ATP2A3: variants seen among roughly 807,000 people sequenced by gnomAD.
ATP2A3 encodes the protein sarcoplasmic/endoplasmic reticulum calcium ATPase 3.
A neutral mutation model predicts 106.8 loss-of-function variants in ATP2A3; 61 were observed. That is an observed-to-expected ratio of 0.57 (90% CI 0.46 to 0.71). The LOEUF is 0.71. ATP2A3 is among the 30% of genes least tolerant of loss of function. The pLI is 0.00. For synonymous variants in ATP2A3, 611 were observed against 609.3 expected (o/e 1.00, Z -0.04); for missense variants, 1,201 against 1,423.5 (o/e 0.84, Z 2.52).
In ATP2A3 at chr17:3,941,602, C is replaced by A. The variant is rs369511446; in HGVS notation, c.1598G>T (p.Arg533Leu). Residue 533 changes from arginine (R) to leucine (L), a missense_variant, in exon 13 of 21, where the codon CGC (arginine) becomes CTC (leucine). Around this residue, in one of 2 missense-constraint regions of ATP2A3, gnomAD observed 935 missense variants for 1,176.7 expected, o/e 0.79. Coordinates refer to ENST00000397041, the MANE Select transcript of ATP2A3 (RefSeq NM_005173.4). ...GGAGGTGGGGGTCAGGGGTGCTGTG[C>A]GGCTCCCCACGCGGACTGAGCTACA... ...ERCSSVRVGS[R>L]TAPLTPTSRE... 3.7e-6 allele frequency: 6 copies of A among 1,611,912 alleles called. No individual in the cohort carries two copies. In the Admixed American group the frequency reaches 8.3e-5, roughly 22 times the overall value.
rs756070111 is a variant in ATP2A3 at position 3,953,804 on chromosome 17, C to T, written c.119-94G>A. The T allele has an allele frequency of 9.6e-6, 13 of 1,360,236 alleles. 1 individual carries two copies. Among genetic ancestry groups the T allele is most frequent in the Non-Finnish European group, 1.2e-5 (12 of 974,416 alleles). The allele number at this position is 1,360,236 out of a possible 1,614,324, so 84.3% of individuals were successfully genotyped here. ...GGGGAGTCTGGCAGTGCCTCCCCACCGTGCCCGCCCAGACCCCCACCACGG... is the reference window on the plus strand; with the variant it reads ...GGGGAGTCTGGCAGTGCCTCCCCACTGTGCCCGCCCAGACCCCCACCACGG... On this transcript the variant is annotated intron_variant, in intron 1 of 20. Coordinates refer to ENST00000397041, the MANE Select transcript of ATP2A3 (RefSeq NM_005173.4). The surrounding 1 kb of genome is among the most constrained non-coding windows in gnomAD (Gnocchi z 5.1).
Position 3,960,091 on chromosome 17 carries a change from C to T in ATP2A3, c.118+4083G>A, listed in dbSNP as rs1282014087. Reference sequence around the variant, plus strand: ...GGGCAAACCACACCCTCTCAGATCCCGCAAGGCCCTTAGGGGATCCCAGGG... The same window carrying T: ...GGGCAAACCACACCCTCTCAGATCCTGCAAGGCCCTTAGGGGATCCCAGGG... On this transcript the variant is annotated intron_variant, in intron 1 of 20. Transcript: ENST00000397041. Among the ~76,000 whole-genome samples, 12 of 152,188 alleles carry T rather than the reference C, an allele frequency of 7.9e-5. 1 individual carries two copies. Among genetic ancestry groups the T allele is most frequent in the Admixed American group, 6.5e-4 (10 of 15,280 alleles).
chr17:3,962,256 C>G (rs577654737), intron 1 of ATP2A3, among the ~76,000 whole-genome samples: 15 of 152,326 alleles, frequency 9.8e-5, no homozygotes, highest in African/African-American at 3.6e-4. Context: ...AGTGCCAGCT[C>G]CACCACCTAC....
rs752172778 is a variant in ATP2A3, at chr17:3,928,015, C to A, written c.2980+648G>T. The stretch of plus-strand genomic sequence containing the variant: ...CTCCCTCTCTGAGCAGCTCTGACAG[C>A]GAGACGATGCTGTGTCCCTGGCCCT... On this transcript the variant is annotated intron_variant, in intron 20 of 20. Coordinates refer to ENST00000397041, the MANE Select transcript of ATP2A3 (RefSeq NM_005173.4). The surrounding 1 kb of genome is among the most constrained non-coding windows in gnomAD (Gnocchi z 6.1). 5.0e-6 allele frequency: 8 copies of A among 1,614,078 alleles called. No homozygotes were observed. Among genetic ancestry groups the A allele is most frequent in the Non-Finnish European group, 6.8e-6 (8 of 1,180,028 alleles).
Position 3,964,255 on chromosome 17 carries a change from G to A in ATP2A3, c.37C>T (p.Leu13=). ...AAHLLPAADV[L]RHFSVTAEGG... ...TCGGCTGTCACCGAGAAGTGGCGCAGCACGTCGGCGGCCGGGAGCAGATGC... is the reference window on the plus strand; with the variant it reads ...TCGGCTGTCACCGAGAAGTGGCGCAACACGTCGGCGGCCGGGAGCAGATGC... Residue 13 remains leucine (L), a synonymous_variant, in exon 1 of 21, where the codon CTG becomes TTG. Coordinates refer to ENST00000397041, the MANE Select transcript of ATP2A3 (RefSeq NM_005173.4). The A allele has an allele frequency of 7.8e-7, 1 of 1,282,858 alleles. No individual in the cohort carries two copies. The highest frequency in any genetic ancestry group is 1.0e-6 in the Non-Finnish European group (1 of 1,003,024). The allele number at this position is 1,282,858 out of a possible 1,614,324, so 79.5% of individuals were successfully genotyped here.
rs1176736004 is a variant in ATP2A3 at position 3,925,735 on chromosome 17, C to T, written c.2981-294G>A. ...ATTTTGGGGAATCACCACCCATTAT[C>T]GTAAGGTTCAGACACCAGGCTCATC... is the stretch of plus-strand genomic sequence containing the variant. On this transcript the variant is annotated intron_variant, in intron 20 of 20. Coordinates refer to ENST00000397041, the MANE Select transcript of ATP2A3 (RefSeq NM_005173.4). This position sits in a 1 kb window ranked among gnomAD's most constrained non-coding sequence, Gnocchi z 4.2. Among the ~76,000 whole-genome samples the T allele has an allele frequency of 6.6e-6, 1 of 151,968 alleles. No individual in the cohort carries two copies. The highest frequency in any genetic ancestry group is 1.9e-4 in the East Asian group (1 of 5,160).
At position 3,929,466 on chromosome 17, in the gene ATP2A3, C is replaced by A; in HGVS notation, c.2745-21G>T. On this transcript the variant is annotated intron_variant, in intron 18 of 20. Coordinates refer to ENST00000397041, the MANE Select transcript of ATP2A3 (RefSeq NM_005173.4). The surrounding 1 kb of genome is among the most constrained non-coding windows in gnomAD (Gnocchi z 4.3). ...AGACGCTGCCAGGGCACAGGGTGCTCCCCTTAGGCCGGGGTGCAGGGAGGC... is the reference window on the plus strand; with the variant it reads ...AGACGCTGCCAGGGCACAGGGTGCTACCCTTAGGCCGGGGTGCAGGGAGGC... 2 of 1,576,832 alleles carry A rather than the reference C, an allele frequency of 1.3e-6. No homozygotes were observed. Among genetic ancestry groups the A allele is most frequent in the East Asian group, 2.3e-5 (1 of 43,082 alleles).
Position 3,964,255 on chromosome 17 carries a change from G to T in ATP2A3, c.37C>A (p.Leu13Met). The change falls in exon 1 of 21, where the codon CTG becomes ATG. Residue 13 changes from leucine to methionine, a missense_variant. Around this residue, in one of 2 missense-constraint regions of ATP2A3, gnomAD observed 266 missense variants for 246.8 expected, o/e 1.08. Transcript: ENST00000397041. ...AAHLLPAADVLRHFSVTAEGG... is the reference protein window; with the variant it reads ...AAHLLPAADVMRHFSVTAEGG... ...TCGGCTGTCACCGAGAAGTGGCGCAGCACGTCGGCGGCCGGGAGCAGATGC... is the reference window on the plus strand; with the variant it reads ...TCGGCTGTCACCGAGAAGTGGCGCATCACGTCGGCGGCCGGGAGCAGATGC... The T allele has an allele frequency of 7.8e-7, 1 of 1,282,860 alleles. No individual in the cohort carries two copies. Among genetic ancestry groups the T allele is most frequent in the Non-Finnish European group, 1.0e-6 (1 of 1,003,024 alleles). 79.5% of individuals were successfully genotyped at this position (1,282,860 alleles called of 1,614,324 possible). A position where few individuals can be genotyped will look rare whatever the true frequency, so the allele number is the denominator to read the frequency against.
chr17:3,953,460 C>A lies in ATP2A3; in HGVS notation c.137-31G>T. On this transcript the variant is annotated intron_variant, in intron 2 of 20. Transcript: ENST00000397041. This position sits in a 1 kb window ranked among gnomAD's most constrained non-coding sequence, Gnocchi z 5.1. The stretch of plus-strand genomic sequence containing the variant: ...AACGGGGGTCATGTGTGAGGCTGGG[C>A]CCCCACCACTGACCCTGCCCACTCA... 1 of 1,606,192 alleles carries A rather than the reference C, an allele frequency of 6.2e-7. No homozygotes were observed. Among genetic ancestry groups the A allele is most frequent in the Non-Finnish European group, 8.5e-7 (1 of 1,173,136 alleles).
In ATP2A3 at chr17:3,941,055, G is replaced by T. The variant is rs573146508; in HGVS notation, c.2016C>A (p.Thr672=). The part of the protein sequence containing the change: ...SPEQQRQACR[T]ARCFARVEPA... ...GCTCCACGCGGGCGAAGCAGCGGGC[G>T]GTGCGGCAGGCCTGGCGCTGCTGCT... The change falls in exon 14 of 21, where the codon ACC becomes ACA. Residue 672 remains threonine, a synonymous_variant. Coordinates refer to ENST00000397041, the MANE Select transcript of ATP2A3 (RefSeq NM_005173.4). 6.2e-7 allele frequency: 1 copy of T among 1,613,562 alleles called. No homozygotes were observed.
intron 1 of ATP2A3, among the ~76,000 whole-genome samples, chr17:3,954,195 G>A (rs1273722489): frequency 6.6e-6 from 1 of 152,074 alleles, no homozygotes. Context: ...CACCAGCTCA[G>A]GCGCCTTCCG....
intron 4 of ATP2A3, 35 bp downstream of exon 4, chr17:3,951,546 G>GCCCCCCCCCCCGGGCCCCCC: frequency 7.6e-6 from 10 of 1,319,552 alleles, no homozygotes; most frequent in South Asian, 1.3e-5. Context: ...CTGGGAGACC[G>GCCCCCCCCCCCGGGCCCCCC]CCCCCCGCCC....
At chr17:3,941,368 G>A (rs1216077575) in intron 13 of ATP2A3, 62 bp from the exon 14 acceptor site, 2 of 1,612,918 alleles carry the variant, frequency 1.2e-6, no homozygotes, top group African/African-American at 1.3e-5. Flanking sequence ...CACCTGCTCA[G>A]CTGCTGCAGG....
intron 1 of ATP2A3, among the ~76,000 whole-genome samples, chr17:3,963,672 G>C (rs996556061): frequency 1.3e-5 from 2 of 152,192 alleles, no homozygotes; most frequent in Admixed American, 1.3e-4. Flanking sequence ...ACCTGGGGTG[G>C]GGGTGGGGGC....
chr17:3,927,370 T>C (rs1463093780), intron 20 of ATP2A3: 6 of 985,342 alleles, frequency 6.1e-6, no homozygotes, highest in African/African-American at 1.7e-5. Context: ...TTGTGGCCAT[T>C]TGGGAACTCT....
chr17:3,939,235 G>C (rs2053607048), intron 14 of ATP2A3, among the ~76,000 whole-genome samples: 1 of 152,108 alleles, frequency 6.6e-6, no homozygotes, highest in South Asian at 2.1e-4. Flanking sequence ...CAGCACAGAG[G>C]TCAAAGATAA....
At chr17:3,951,758 G>A (rs1215599261) in intron 3 of ATP2A3, 73 bp from the exon 4 acceptor site, 20 of 1,399,994 alleles carry the variant, frequency 1.4e-5, no homozygotes, top group Middle Eastern at 1.7e-4. Context: ...TTGGCACCCC[G>A]GATCTCCTGC....
chr17:3,944,276 C>T (rs2053957172), intron 10 of ATP2A3, among the ~76,000 whole-genome samples: 1 of 152,242 alleles, frequency 6.6e-6, no homozygotes. Context: ...TGGCCTCGGA[C>T]TGGGTCTGGC....
chr17:3,940,043 G>GTTTTTTTTTTTTTTTTTTTTTTTTTTT (rs1294599615), intron 14 of ATP2A3, among the ~76,000 whole-genome samples: 1 of 87,618 alleles, frequency 1.1e-5, no homozygotes, highest in Non-Finnish European at 2.1e-5. Flanking sequence ...TTTTTTTTTT[G>GTTTTTTTTTTTTTTTTTTTTTTTTTTT]TTTTTTGTTT....
Sources: allele counts gnomAD v4.1 joint callset (sites outside exome capture counted in the v4.1 genomes callset), GRCh38; gene constraint gnomAD v4.1.1; regional missense constraint gnomAD v4.1.1; non-coding constraint Gnocchi (gnomAD v3.1); transcripts MANE v1.5; gene names NCBI Gene and HGNC (gene_info 2026-07-23, HGNC 2026-07-21).